ZYG11B: variants seen among roughly 807,000 people sequenced by gnomAD.
ZYG11B encodes the protein zyg-11 family member B, cell cycle regulator.
In ZYG11B, 36 loss-of-function variants were observed where a neutral mutation model predicts 82.4. That is an observed-to-expected ratio of 0.44 (90% CI 0.33 to 0.58). The LOEUF (loss-of-function observed/expected upper bound fraction) is 0.58, where lower values mean the gene tolerates loss of function less well. Ranked by LOEUF, ZYG11B falls within the 20% of genes least tolerant of loss-of-function variation. ZYG11B has a pLI of 0.02. For missense variants in ZYG11B, 552 were observed against 895.6 expected, an observed-to-expected ratio of 0.62 and a Z score of 4.90; for synonymous variants, 303 against 312.8, an observed-to-expected ratio of 0.97 and a Z score of 0.33.
rs559749698 is a variant in ZYG11B, at chr1:52,826,564, A to G, written c.*4935A>G. ...TAATTATGCATTCTTTGGTTTCCAAATCTTAATCTAAGATACTTTGTTAAC... is the reference window on the plus strand; with the variant it reads ...TAATTATGCATTCTTTGGTTTCCAAGTCTTAATCTAAGATACTTTGTTAAC... On this transcript the variant is annotated 3_prime_UTR_variant, in exon 14 of 14. Transcript: ENST00000294353. The G allele has an allele frequency of 4.1e-4, 63 of 152,334 alleles. No homozygotes were observed. The highest frequency in any genetic ancestry group is 1.3e-3 in the African/African-American group (56 of 41,578). 9.4% of individuals were successfully genotyped at this position (152,334 alleles called of 1,614,324 possible).
chr1:52,736,141 A>G (rs1325393124), intron 1 of ZYG11B, among the ~76,000 whole-genome samples: 2 of 152,180 alleles, frequency 1.3e-5, no homozygotes, highest in Admixed American at 1.3e-4. Context: ...GCTGTGCTAT[A>G]CAGATTGTAC....
At chr1:52,761,742 T>A (rs146168202) in intron 2 of ZYG11B, among the ~76,000 whole-genome samples, 2 of 152,320 alleles carry the variant, frequency 1.3e-5, no homozygotes, top group African/African-American at 4.8e-5. Context: ...ATTTGTAGTT[T>A]TTTGAGGAAC....
At position 52,797,140 on chromosome 1, in the gene ZYG11B, A is replaced by ATTATATAT. The variant is rs1553262105; in HGVS notation, c.1485+358_1485+365dup. 5.3e-3 allele frequency among the ~76,000 whole-genome samples: 387 copies of ATTATATAT among 72,878 alleles called. 6 individuals are homozygous for ATTATATAT. Among genetic ancestry groups the ATTATATAT allele is most frequent in the African/African-American group, 0.027 (372 of 13,614 alleles). The allele number at this position is 72,878 out of a possible 152,430, so 47.8% of individuals were successfully genotyped here. On this transcript the variant is annotated intron_variant, in intron 8 of 13. Coordinates refer to ENST00000294353, the MANE Select transcript of ZYG11B (RefSeq NM_024646.3). ...TATATTATATATTATATATTTATAT[A>ATTATATAT]TTATATATTATATATTTATATATTA...
At chr1:52,772,805 G>A (rs1024240775) in intron 3 of ZYG11B, among the ~76,000 whole-genome samples, 1 of 151,968 alleles carries the variant, frequency 6.6e-6, no homozygotes, top group Non-Finnish European at 1.5e-5. Context: ...AGTCCCCTGA[G>A]TAACTGGGAC....
intron 2 of ZYG11B, among the ~76,000 whole-genome samples, chr1:52,760,963 A>G (rs1168905436): frequency 7.9e-5 from 12 of 151,866 alleles, no homozygotes; most frequent in Admixed American, 3.3e-4. Flanking sequence ...GGGTTTCACC[A>G]TGTTGGCCAG....
intron 3 of ZYG11B, chr1:52,772,565 C>T (rs1644761841): frequency 1.2e-6 from 2 of 1,604,676 alleles, no homozygotes; most frequent in Admixed American, 3.3e-5. Context: ...CGTCAGATGT[C>T]AACTTCAACC....
chr1:52,742,464 AAGAT>A (rs1571743653), intron 1 of ZYG11B, among the ~76,000 whole-genome samples: 1 of 151,980 alleles, frequency 6.6e-6, no homozygotes, highest in East Asian at 1.9e-4. Context: ...AAAAAAATAA[AAGAT>A]AGAAAAAGAG....
chr1:52,819,004 G>T (rs72668690), intron 13 of ZYG11B, among the ~76,000 whole-genome samples: 1 of 151,906 alleles, frequency 6.6e-6, no homozygotes, highest in African/African-American at 2.4e-5. Context: ...ATTTTGGCCA[G>T]ACTGGTCTCG....
chr1:52,821,291 A>G, intron 13 of ZYG11B, 148 bp from the exon 14 acceptor site: 1 of 698,812 alleles, frequency 1.4e-6, no homozygotes, highest in Admixed American at 3.0e-5. Context: ...TATAGAGGTT[A>G]TTTATCAAGC....
At chr1:52,803,109 T>TACAC (rs1207023433) in intron 10 of ZYG11B, among the ~76,000 whole-genome samples, 2 of 90,630 alleles carry the variant, frequency 2.2e-5, no homozygotes, top group African/African-American at 1.5e-4. Context: ...CATATATATA[T>TACAC]ATATATATAC....
In ZYG11B at chr1:52,784,837, T is replaced by C. The variant is rs751846905; in HGVS notation, c.1093-40T>C. The stretch of plus-strand genomic sequence containing the variant: ...TTCTGCTCTGTGAAGAGGGCTTGTA[T>C]TTATAAGGTGAATTAAGAGGACTAA... On this transcript the variant is annotated intron_variant, in intron 4 of 13. Coordinates refer to ENST00000294353, the MANE Select transcript of ZYG11B (RefSeq NM_024646.3). 5 of 1,591,440 alleles carry C rather than the reference T, an allele frequency of 3.1e-6. No homozygotes were observed. The South Asian group carries it at 4.5e-5, about 14-fold the overall frequency.
At chr1:52,804,450 T>G (rs1645124389) in intron 10 of ZYG11B, among the ~76,000 whole-genome samples, 1 of 151,760 alleles carries the variant, frequency 6.6e-6, no homozygotes, top group African/African-American at 2.4e-5. Context: ...CCATGTCTAT[T>G]AAAAATACAA....
chr1:52,758,376 G>A (rs955510550), intron 2 of ZYG11B, among the ~76,000 whole-genome samples: 1 of 151,844 alleles, frequency 6.6e-6, no homozygotes, highest in Non-Finnish European at 1.5e-5. Flanking sequence ...TGGAATTTTC[G>A]CAAAAACTCT....
At position 52,821,708 on chromosome 1, in the gene ZYG11B, T is replaced by G. The variant is rs756248424; in HGVS notation, c.*79T>G. The stretch of plus-strand genomic sequence containing the variant: ...ATTTGGAATATCTTACCCTCCCTGA[T>G]GTTTTGGGGGTTTCTATGACAAGAG... On this transcript the variant is annotated 3_prime_UTR_variant, in exon 14 of 14. Transcript: ENST00000294353. 8 of 1,371,320 alleles carry G rather than the reference T, an allele frequency of 5.8e-6. No homozygotes were observed. The highest frequency in any genetic ancestry group is 8.0e-6 in the Non-Finnish European group (8 of 1,004,424). The allele number at this position is 1,371,320 out of a possible 1,614,324, so 84.9% of individuals were successfully genotyped here.
intron 1 of ZYG11B, among the ~76,000 whole-genome samples, chr1:52,743,981 G>A (rs1644455828): frequency 6.6e-6 from 1 of 151,354 alleles, no homozygotes; most frequent in Admixed American, 6.6e-5. Flanking sequence ...CACCCAGACT[G>A]GAGTGCAGTG....
rs1296097689 is a variant in ZYG11B at position 52,824,789 on chromosome 1, A to T, written c.*3160A>T. 3 of 152,178 alleles carry T rather than the reference A, an allele frequency of 2.0e-5. No individual in the cohort carries two copies. Among genetic ancestry groups the T allele is most frequent in the African/African-American group, 7.2e-5 (3 of 41,450 alleles). 9.4% of individuals were successfully genotyped at this position (152,178 alleles called of 1,614,324 possible). On this transcript the variant is annotated 3_prime_UTR_variant, in exon 14 of 14. Transcript: ENST00000294353. Reference sequence around the variant, plus strand: ...AATCTGGCTAAAATACAGTGGATGTATGTATTGGAATTATGAGGCATAAGT... The same window carrying T: ...AATCTGGCTAAAATACAGTGGATGTTTGTATTGGAATTATGAGGCATAAGT...
At chr1:52,730,041 C>T (rs1644316866) in intron 1 of ZYG11B, among the ~76,000 whole-genome samples, 1 of 152,132 alleles carries the variant, frequency 6.6e-6, no homozygotes, top group Non-Finnish European at 1.5e-5. Flanking sequence ...CTCCTGGGCT[C>T]CAGTGATCCT....
chr1:52,729,772 G>T (rs1027163278), intron 1 of ZYG11B, among the ~76,000 whole-genome samples: 1 of 152,088 alleles, frequency 6.6e-6, no homozygotes, highest in Non-Finnish European at 1.5e-5. Flanking sequence ...CCCAGGAGGT[G>T]GAGGTTGCAG....
At chr1:52,800,113 T>TA (rs1160751586) in intron 8 of ZYG11B, among the ~76,000 whole-genome samples, 2,247 of 142,962 alleles carry the variant, frequency 0.016, 26 homozygotes, top group Non-Finnish European at 0.018. Context: ...CTGGCTCTAA[T>TA]AAAAAAAAAA....
Sources: gnomAD v4.1 joint callset for allele counts (sites outside exome capture counted in the v4.1 genomes callset) on GRCh38, gnomAD v4.1.1 for gene constraint, MANE v1.5 for transcripts, NCBI Gene and HGNC (gene_info 2026-07-23, HGNC 2026-07-21) for gene names.